SYTL2: variants seen among roughly 807,000 people sequenced by gnomAD.
SYTL2 encodes the protein synaptotagmin like 2.
SYTL2 carries 165 observed loss-of-function variants against 198.7 expected under a neutral mutation model. The observed-to-expected ratio is 0.83, with a 90% CI of 0.73 to 0.94. The LOEUF is 0.94. Ranked by LOEUF, SYTL2 falls within the 40% of genes least tolerant of loss-of-function variation. The probability of loss-of-function intolerance (pLI) is 0.00; values close to 1 mark genes in which losing one functional copy is unlikely to be tolerated. For missense variants in SYTL2, 2,835 were observed against 2,582.8 expected, an observed-to-expected ratio of 1.10 and a Z score of -2.12; for synonymous variants, 966 against 917.7, an observed-to-expected ratio of 1.05 and a Z score of -0.95.
chr11:85,726,663 T>G lies in SYTL2; in HGVS notation c.2695A>C (p.Lys899Gln). 2 of 1,536,694 alleles carry G rather than the reference T, an allele frequency of 1.3e-6. No individual in the cohort carries two copies. Among genetic ancestry groups the G allele is most frequent in the Non-Finnish European group, 1.7e-6 (2 of 1,147,022 alleles). ...RYYLSAEQSD[K>Q]VSLFQNKKNE... Reference sequence around the variant, plus strand: ...TTCTTATTCTGAAACAGAGACACTTTATCTGATTGCTCAGCTGAAAGATAG... The same window carrying G: ...TTCTTATTCTGAAACAGAGACACTTGATCTGATTGCTCAGCTGAAAGATAG... Residue 899 changes from lysine to glutamine, a missense_variant, in exon 8 of 20, where the codon AAA (lysine) becomes CAA (glutamine). This residue lies in a region of SYTL2 where 2,645 missense variants were observed against 2,381.7 expected (regional missense o/e 1.11). Coordinates refer to ENST00000359152, the MANE Select transcript of SYTL2 (RefSeq NM_206927.4).
chr11:85,795,640 G>C (rs1035199496), intron 1 of SYTL2, among the ~76,000 whole-genome samples: 5 of 151,666 alleles, frequency 3.3e-5, no homozygotes, highest in African/African-American at 1.2e-4. Flanking sequence ...AACAAGAATA[G>C]TAAAAGCCAC....
At chr11:85,712,799 C>T (rs1227214419) in intron 12 of SYTL2, among the ~76,000 whole-genome samples, 2 of 152,118 alleles carry the variant, frequency 1.3e-5, no homozygotes, top group Admixed American at 1.3e-4. Flanking sequence ...TCACTACAGC[C>T]TCTGCCTCCC....
the SYTL2 span, among the ~76,000 whole-genome samples, chr11:85,837,868 G>GTA: frequency 2.7e-3 from 418 of 152,262 alleles, 2 homozygotes; most frequent in Non-Finnish European, 1.9e-3. Context: ...TCCAAACCAC[G>GTA]CTTTCTCAAT....
intron 7 of SYTL2, among the ~76,000 whole-genome samples, chr11:85,732,561 A>C (rs1266659507): frequency 6.8e-6 from 1 of 147,868 alleles, no homozygotes; most frequent in Non-Finnish European, 1.5e-5. Context: ...ACGGAAAACA[A>C]GGAGGGAAAC....
Position 85,806,454 on chromosome 11 carries a change from G to C in SYTL2, c.-390+4500C>G, listed in dbSNP as rs192545375. On this transcript the variant is annotated intron_variant, in intron 1 of 19. Coordinates refer to ENST00000359152, the MANE Select transcript of SYTL2 (RefSeq NM_206927.4). The stretch of plus-strand genomic sequence containing the variant: ...AGGCAAATACTTAGTGAAACACATG[G>C]CTTTATTACCATTTTTTAAACCTGC... Among the ~76,000 whole-genome samples, 151 of 152,312 alleles carry C rather than the reference G, an allele frequency of 9.9e-4. 1 individual carries two copies. Among genetic ancestry groups the C allele is most frequent in the African/African-American group, 3.5e-3 (144 of 41,590 alleles).
At chr11:85,852,213 A>G in the SYTL2 span, among the ~76,000 whole-genome samples, 1 of 152,256 alleles carries the variant, frequency 6.6e-6, no homozygotes, top group Non-Finnish European at 1.5e-5. Flanking sequence ...CAAGAATGCC[A>G]AACAGGTGAC....
intron 2 of SYTL2, among the ~76,000 whole-genome samples, chr11:85,751,097 A>G (rs2091483268): frequency 6.6e-6 from 1 of 152,194 alleles, no homozygotes; most frequent in Admixed American, 6.5e-5. Context: ...ACAAAGGCTG[A>G]TAGCCATTAT....
At chr11:85,808,846 T>C (rs919341246) in intron 1 of SYTL2, among the ~76,000 whole-genome samples, 1 of 151,020 alleles carries the variant, frequency 6.6e-6, no homozygotes, top group Non-Finnish European at 1.5e-5. Context: ...TTTGAGAGAG[T>C]GACAACCTCA....
At chr11:85,752,890 T>G (rs2091601273) in intron 2 of SYTL2, among the ~76,000 whole-genome samples, 1 of 121,942 alleles carries the variant, frequency 8.2e-6, no homozygotes, top group Non-Finnish European at 1.6e-5. Context: ...TCCTGGAAAT[T>G]AGTCCTTCAA....
At chr11:85,791,735 G>C (rs2092733937) in intron 1 of SYTL2, among the ~76,000 whole-genome samples, 1 of 152,052 alleles carries the variant, frequency 6.6e-6, no homozygotes, top group African/African-American at 2.4e-5. Context: ...ATAAGTCAAT[G>C]GCCCAGATGG....
chr11:85,819,430 C>G, the SYTL2 span, among the ~76,000 whole-genome samples: 1 of 152,176 alleles, frequency 6.6e-6, no homozygotes, highest in Non-Finnish European at 1.5e-5. Context: ...CCTTATGCGG[C>G]TGCACTCAGC....
chr11:85,724,581 C>A lies in SYTL2; in HGVS notation c.4777G>T (p.Glu1593Ter), dbSNP rs76711483. The A allele has an allele frequency of 2.5e-6, 4 of 1,613,124 alleles. No homozygotes were observed. The South Asian group carries it at 4.4e-5, about 18-fold the overall frequency. ...PQVSVREETH[E>*]KESSQSEQTR... is the part of the protein sequence containing the mutation. ...TGCTCTGACTGTGAGGACTCCTTCT[C>A]GTGAGTTTCTTCTCTCACTGACACC... The change falls in exon 8 of 20, where the codon GAG becomes TAG. Residue 1593 changes from glutamate to a stop codon, truncating the protein, a stop_gained. Transcript: ENST00000359152. LOFTEE classifies it high-confidence loss of function.
rs1466102497 is a variant in SYTL2, at chr11:85,757,938, G to A, written c.-213C>T. 1.7e-6 allele frequency: 1 copy of A among 582,262 alleles called. No homozygotes were observed. The highest frequency in any genetic ancestry group is 3.0e-5 in the Admixed American group (1 of 32,912). The allele number at this position is 582,262 out of a possible 1,614,324, so 36.1% of individuals were successfully genotyped here. ...TTCCCATGAGGAAGTCCTGGTCTGT[G>A]GGATAGTGTCGAGAAGAGGCTCTCA... On this transcript the variant is annotated 5_prime_UTR_variant, in exon 2 of 20. Coordinates refer to ENST00000359152, the MANE Select transcript of SYTL2 (RefSeq NM_206927.4).
In SYTL2 at chr11:85,727,089, C is replaced by T. The variant is rs932546557; in HGVS notation, c.2269G>A (p.Gly757Arg). Residue 757 changes from glycine (G) to arginine (R), a missense_variant, in exon 8 of 20, where the codon GGG (glycine) becomes AGG (arginine). This residue lies in a region of SYTL2 where 2,645 missense variants were observed against 2,381.7 expected (regional missense o/e 1.11). Coordinates refer to ENST00000359152, the MANE Select transcript of SYTL2 (RefSeq NM_206927.4). ...CAAGGAGAGCCATTGTTGGCAACCC[C>T]AGGTGTTGACTTAATATTCTCTGGC... ...LEPENIKSTP[G>R]VANNGSPWKK... The T allele has an allele frequency of 6.5e-7, 1 of 1,535,886 alleles. No homozygotes were observed. Among genetic ancestry groups the T allele is most frequent in the Non-Finnish European group, 8.7e-7 (1 of 1,146,818 alleles).
the SYTL2 span, among the ~76,000 whole-genome samples, chr11:85,829,946 T>A: frequency 6.6e-6 from 1 of 152,230 alleles, no homozygotes; most frequent in Non-Finnish European, 1.5e-5. Context: ...AAACTTCTCA[T>A]TTTACAGATT....
chr11:85,767,184 C>A (rs1271843418), intron 1 of SYTL2, among the ~76,000 whole-genome samples: 2 of 152,172 alleles, frequency 1.3e-5, no homozygotes, highest in Non-Finnish European at 2.9e-5. Context: ...ATAACTAATT[C>A]TTTGCGTGGA....
At chr11:85,772,248 TAAG>T (rs992830945) in intron 1 of SYTL2, among the ~76,000 whole-genome samples, 1 of 152,184 alleles carries the variant, frequency 6.6e-6, no homozygotes, top group Non-Finnish European at 1.5e-5. Context: ...TAAATTTGGT[TAAG>T]AAGAAAGGTT....
chr11:85,735,478 C>T (rs2090248198), intron 6 of SYTL2, among the ~76,000 whole-genome samples: 1 of 152,116 alleles, frequency 6.6e-6, no homozygotes, highest in African/African-American at 2.4e-5. Context: ...AAAAACAGGC[C>T]AAGCGCAGTG....
Position 85,724,990 on chromosome 11 carries a change from T to A in SYTL2, c.4368A>T (p.Pro1456=), listed in dbSNP as rs1372040061. Residue 1456 remains proline, a synonymous_variant, in exon 8 of 20, where the codon CCA becomes CCT. Transcript: ENST00000359152. ...CAAATGAGCTAAGCGTCTGGTCTGA[T>A]GGAGACATTTGGGCAGCTAAATAAG... The part of the protein sequence containing the change: ...VGSYLAAQMS[P]SDQTLSSFAS... 6.2e-7 allele frequency: 1 copy of A among 1,614,016 alleles called. No individual in the cohort carries two copies. The highest frequency in any genetic ancestry group is 2.2e-5 in the East Asian group (1 of 44,886).
Sources: gnomAD v4.1 joint callset for allele counts (sites outside exome capture counted in the v4.1 genomes callset) on GRCh38, gnomAD v4.1.1 for gene constraint, gnomAD v4.1.1 regional missense constraint, MANE v1.5 for transcripts, NCBI Gene and HGNC (gene_info 2026-07-23, HGNC 2026-07-21) for gene names.